RAD51B: variants seen among roughly 807,000 people sequenced by gnomAD.
The protein encoded by RAD51B is DNA repair protein RAD51 homolog 2.
RAD51B carries 38 observed loss-of-function variants against 42.2 expected under a neutral mutation model. That is an observed-to-expected ratio of 0.90 (90% CI 0.70 to 1.18). The LOEUF is 1.18. RAD51B is among the 50% of genes most tolerant of loss of function. RAD51B has a pLI of 0.00. For synonymous variants in RAD51B, 154 were observed against 145.2 expected (o/e 1.06, Z -0.43); for missense variants, 373 against 400.7 (o/e 0.93, Z 0.59).
chr14:68,331,362 T>A (rs1595716618), intron 8 of RAD51B, among the ~76,000 whole-genome samples: 1 of 20,636 alleles, frequency 4.8e-5, no homozygotes, highest in Non-Finnish European at 1.7e-4. Flanking sequence ...AACGAGACTC[T>A]GTCTCAAAAA....
intron 8 of RAD51B, among the ~76,000 whole-genome samples, chr14:68,356,482 A>C (rs946306895): frequency 4.6e-5 from 7 of 152,032 alleles, no homozygotes; most frequent in African/African-American, 1.7e-4. Context: ...ACTCTATTAA[A>C]AGTGCAATAG....
chr14:67,950,393 T>G (rs2074421709), intron 7 of RAD51B, among the ~76,000 whole-genome samples: 2 of 152,244 alleles, frequency 1.3e-5, no homozygotes, highest in South Asian at 4.1e-4. Flanking sequence ...TGAAGCAACC[T>G]TTGCTAGCTT....
At chr14:67,946,528 C>T (rs2045399257) in intron 7 of RAD51B, among the ~76,000 whole-genome samples, 1 of 152,130 alleles carries the variant, frequency 6.6e-6, no homozygotes, top group Non-Finnish European at 1.5e-5. Flanking sequence ...CCACCATGCC[C>T]AGCTGATTTT....
chr14:68,403,802 T>G (rs2084186250), intron 8 of RAD51B, among the ~76,000 whole-genome samples: 1 of 152,248 alleles, frequency 6.6e-6, no homozygotes, highest in African/African-American at 2.4e-5. Flanking sequence ...GAATAAAAAA[T>G]GCAGGAGATA....
At chr14:68,558,124 G>T (rs901456437) in intron 10 of RAD51B, among the ~76,000 whole-genome samples, 8 of 152,230 alleles carry the variant, frequency 5.3e-5, no homozygotes, top group African/African-American at 1.4e-4. Flanking sequence ...TCAAGCTTGG[G>T]CTTAGGGTAG....
intron 7 of RAD51B, among the ~76,000 whole-genome samples, chr14:67,984,206 G>A (rs912956676): frequency 6.6e-6 from 1 of 151,982 alleles, no homozygotes; most frequent in Non-Finnish European, 1.5e-5. Context: ...CAAAGTGCTG[G>A]GATTACAGGT....
At chr14:68,182,068 G>T (rs1418175481) in intron 7 of RAD51B, among the ~76,000 whole-genome samples, 1 of 152,192 alleles carries the variant, frequency 6.6e-6, no homozygotes, top group Non-Finnish European at 1.5e-5. Flanking sequence ...AGTGGGTTAG[G>T]TGAAGAGGTG....
intron 7 of RAD51B, among the ~76,000 whole-genome samples, chr14:68,081,361 C>T (rs151172642): frequency 1.3e-5 from 2 of 152,202 alleles, no homozygotes; most frequent in African/African-American, 2.4e-5. Flanking sequence ...GGTCCTGGCC[C>T]ACAGGAGCCT....
At chr14:67,985,623 G>C (rs1394847184) in intron 7 of RAD51B, among the ~76,000 whole-genome samples, 2 of 151,908 alleles carry the variant, frequency 1.3e-5, no homozygotes, top group Non-Finnish European at 2.9e-5. Context: ...AAAAGTAAAG[G>C]CCCAACCAGA....
In RAD51B at chr14:68,586,480, A is replaced by C. The variant is rs8008333; in HGVS notation, c.1037-8005A>C. ...TCTCTGGTTTTAACAAAGGTGTCCAATGAGTTCTAAGGGTGATGTCAGGGG... is the reference window on the plus strand; with the variant it reads ...TCTCTGGTTTTAACAAAGGTGTCCACTGAGTTCTAAGGGTGATGTCAGGGG... On this transcript the variant is annotated intron_variant, in intron 10 of 10. Transcript: ENST00000487270. Among the ~76,000 whole-genome samples, 7 of 152,140 alleles carry C rather than the reference A, an allele frequency of 4.6e-5. No individual in the cohort carries two copies. In the South Asian group the frequency reaches 1.5e-3, roughly 32 times the overall value.
intron 7 of RAD51B, among the ~76,000 whole-genome samples, chr14:67,989,521 C>G (rs941744870): frequency 4.0e-5 from 6 of 151,472 alleles, no homozygotes; most frequent in Admixed American, 2.6e-4. Context: ...GCCAGTAATC[C>G]CAGCTACTCA....
intron 7 of RAD51B, among the ~76,000 whole-genome samples, chr14:68,216,964 A>G (rs986624952): frequency 2.0e-5 from 3 of 152,190 alleles, no homozygotes; most frequent in Non-Finnish European, 2.9e-5. Flanking sequence ...CCTGACTTGT[A>G]GGAAACCTTT....
intron 8 of RAD51B, among the ~76,000 whole-genome samples, chr14:68,342,479 A>G (rs1201793803): frequency 1.3e-5 from 2 of 152,220 alleles, no homozygotes; most frequent in African/African-American, 2.4e-5. Flanking sequence ...TCCACCAGCC[A>G]TAGAGGGACG....
chr14:67,979,249 A>G (rs2075048467), intron 7 of RAD51B, among the ~76,000 whole-genome samples: 1 of 152,250 alleles, frequency 6.6e-6, no homozygotes, highest in Non-Finnish European at 1.5e-5. Context: ...ATGTGTATAT[A>G]GTTTTAAAAT....
chr14:68,516,427 G>A (rs2140322247), intron 10 of RAD51B, among the ~76,000 whole-genome samples: 1 of 152,328 alleles, frequency 6.6e-6, no homozygotes, highest in East Asian at 1.9e-4. Flanking sequence ...ATAGAAGACA[G>A]CTGGATTCTC....
At chr14:68,384,762 T>A (rs962570821) in intron 8 of RAD51B, among the ~76,000 whole-genome samples, 1 of 152,238 alleles carries the variant, frequency 6.6e-6, no homozygotes, top group Non-Finnish European at 1.5e-5. Context: ...AATCGTTATA[T>A]GGAATTATAT....
chr14:68,665,010 C>T (rs1893004303), intron 11 of RAD51B, among the ~76,000 whole-genome samples: 1 of 152,256 alleles, frequency 6.6e-6, no homozygotes, highest in South Asian at 2.1e-4. Context: ...CTTTCTTCCC[C>T]TACTCACATA....
chr14:68,529,948 A>G (rs548063487), intron 10 of RAD51B, among the ~76,000 whole-genome samples: 1 of 152,346 alleles, frequency 6.6e-6, no homozygotes, highest in Admixed American at 6.5e-5. Context: ...ATGAATTAAA[A>G]AGATAAAATA....
intron 7 of RAD51B, among the ~76,000 whole-genome samples, chr14:68,254,301 G>C (rs1370531744): frequency 6.6e-6 from 1 of 152,106 alleles, no homozygotes; most frequent in African/African-American, 2.4e-5. Flanking sequence ...ATAAGAACAG[G>C]GTGGGAGGTT....
Sources: allele counts gnomAD v4.1 joint callset (sites outside exome capture counted in the v4.1 genomes callset), GRCh38; gene constraint gnomAD v4.1.1; transcripts MANE v1.5; gene names NCBI Gene and HGNC (gene_info 2026-07-23, HGNC 2026-07-21).